The following TPD52 variants were observed in gnomAD, a reference collection of about 807,000 sequenced individuals.
The protein encoded by TPD52 is prostate and colon associated protein.
TPD52 carries 17 observed loss-of-function variants against 31.3 expected under a neutral mutation model. The observed-to-expected ratio is 0.54, with a 90% CI of 0.37 to 0.82. TPD52 has a LOEUF of 0.82. TPD52 is among the 40% of genes least tolerant of loss of function. TPD52 has a pLI of 0.00. For synonymous variants in TPD52, 83 were observed against 89.6 expected, an observed-to-expected ratio of 0.93 and a Z score of 0.42; for missense variants, 212 against 240.1, an observed-to-expected ratio of 0.88 and a Z score of 0.77.
chr8:80,071,060 C>A (rs541719902), intron 1 of TPD52, among the ~76,000 whole-genome samples: 1 of 152,244 alleles, frequency 6.6e-6, no homozygotes, highest in East Asian at 1.9e-4. Flanking sequence ...CACTACAGAA[C>A]AAGGAACACC....
intron 2 of TPD52, among the ~76,000 whole-genome samples, chr8:80,056,963 G>A (rs1473943312): frequency 6.6e-6 from 1 of 152,166 alleles, no homozygotes; most frequent in African/African-American, 2.4e-5. Flanking sequence ...GAGGTCAGGG[G>A]TTTGAGACCA....
intron 5 of TPD52, among the ~76,000 whole-genome samples, chr8:80,049,696 C>G (rs1256409207): frequency 6.6e-6 from 1 of 152,180 alleles, no homozygotes; most frequent in Non-Finnish European, 1.5e-5. Context: ...ATCAGATAAT[C>G]AAAGAGTCTG....
At chr8:80,095,122 G>A (rs187019948) in intron 1 of TPD52, among the ~76,000 whole-genome samples, 151 of 152,246 alleles carry the variant, frequency 9.9e-4, no homozygotes, top group African/African-American at 3.3e-3. Flanking sequence ...AAACCACCAA[G>A]ATGTCATTCA....
chr8:80,047,933 A>G (rs1811025952), intron 5 of TPD52, among the ~76,000 whole-genome samples: 1 of 152,244 alleles, frequency 6.6e-6, no homozygotes, highest in African/African-American at 2.4e-5. Context: ...TCTACTGAAT[A>G]TTATAGTATG....
At chr8:80,124,222 C>G (rs1808451922) in intron 1 of TPD52, among the ~76,000 whole-genome samples, 1 of 151,520 alleles carries the variant, frequency 6.6e-6, no homozygotes, top group Non-Finnish European at 1.5e-5. Context: ...CTAGAGTGCA[C>G]TGGCACAATC....
rs1809887845 is a variant in TPD52, at chr8:80,036,140, C to G, written c.*1976G>C. 1 of 152,160 alleles carries G rather than the reference C, an allele frequency of 6.6e-6. No homozygotes were observed. Among genetic ancestry groups the G allele is most frequent in the South Asian group, 2.1e-4 (1 of 4,830 alleles). The allele number at this position is 152,160 out of a possible 1,614,324, so 9.4% of individuals were successfully genotyped here. Reference sequence around the variant, plus strand: ...TACCCACCTTCATCCACTCACCCCACTTGCCACCCCCATTTCTATCACTTT... The same window carrying G: ...TACCCACCTTCATCCACTCACCCCAGTTGCCACCCCCATTTCTATCACTTT... On this transcript the variant is annotated 3_prime_UTR_variant, in exon 8 of 8. Coordinates refer to ENST00000518937, the MANE Select transcript of TPD52 (RefSeq NM_001025253.3).
chr8:80,129,400 A>C (rs1808857291), intron 1 of TPD52, among the ~76,000 whole-genome samples: 1 of 152,200 alleles, frequency 6.6e-6, no homozygotes, highest in Non-Finnish European at 1.5e-5. Context: ...TTACATTTAA[A>C]ATTCCCATAC....
intron 1 of TPD52, among the ~76,000 whole-genome samples, chr8:80,104,232 C>A (rs1806941369): frequency 6.6e-6 from 1 of 152,200 alleles, no homozygotes; most frequent in African/African-American, 2.4e-5. Context: ...CCAAGTTATT[C>A]TTTGGTCTCC....
chr8:80,087,389 G>A (rs1441577443), intron 1 of TPD52, among the ~76,000 whole-genome samples: 1 of 152,208 alleles, frequency 6.6e-6, no homozygotes, highest in Non-Finnish European at 1.5e-5. Context: ...CAGGGACATG[G>A]ATGGAGCTGG....
At chr8:80,074,764 T>C (rs1370573295) in intron 1 of TPD52, among the ~76,000 whole-genome samples, 2 of 152,200 alleles carry the variant, frequency 1.3e-5, no homozygotes, top group African/African-American at 4.8e-5. Flanking sequence ...AAGAGAGGGA[T>C]GCAGCAGCTC....
intron 1 of TPD52, among the ~76,000 whole-genome samples, chr8:80,087,111 C>T (rs1815865865): frequency 6.6e-6 from 1 of 152,056 alleles, no homozygotes; most frequent in South Asian, 2.1e-4. Flanking sequence ...TTAACAGTGA[C>T]CCTGAGTAGA....
Position 80,092,478 on chromosome 8 carries a change from C to T in TPD52, c.20-27885G>A, listed in dbSNP as rs193126597. Among the ~76,000 whole-genome samples, 306 of 152,174 alleles carry T rather than the reference C, an allele frequency of 2.0e-3. 3 individuals carry two copies. The highest frequency in any genetic ancestry group is 6.7e-4 in the African/African-American group (28 of 41,524). On this transcript the variant is annotated intron_variant, in intron 1 of 7. Coordinates refer to ENST00000518937, the MANE Select transcript of TPD52 (RefSeq NM_001025253.3). ...GATGTCAAGGATATTTGCACGTGCG[C>T]GTTTATTGAAGCACTATTCACAATA...
At chr8:80,038,803 T>C (rs1406948720) in intron 7 of TPD52, among the ~76,000 whole-genome samples, 1 of 152,198 alleles carries the variant, frequency 6.6e-6, no homozygotes, top group African/African-American at 2.4e-5. Flanking sequence ...AGCTACAGAA[T>C]TGAAATCAAC....
chr8:80,166,309 T>G (rs1207872122), intron 1 of TPD52, among the ~76,000 whole-genome samples: 1 of 151,462 alleles, frequency 6.6e-6, no homozygotes, highest in Non-Finnish European at 1.5e-5. Context: ...AGAGACTCAC[T>G]GCAACCTCCG....
intron 1 of TPD52, among the ~76,000 whole-genome samples, chr8:80,067,550 G>A (rs1298525601): frequency 6.6e-6 from 1 of 152,002 alleles, no homozygotes; most frequent in Non-Finnish European, 1.5e-5. Flanking sequence ...TCTGTGAGGT[G>A]GGGATCCCTG....
intron 1 of TPD52, among the ~76,000 whole-genome samples, chr8:80,163,516 T>C (rs1011802516): frequency 2.3e-4 from 35 of 152,310 alleles, no homozygotes; most frequent in African/African-American, 8.2e-4. Context: ...AGTTTTCATT[T>C]TGAAAAATGA....
intron 1 of TPD52, chr8:80,064,915 T>C (rs924182563): frequency 1.2e-5 from 6 of 495,086 alleles, no homozygotes; most frequent in African/African-American, 1.2e-4. Flanking sequence ...GACTTTAAAT[T>C]GCTGCAAAAG....
At chr8:80,112,326 G>C (rs1447683973) in intron 1 of TPD52, among the ~76,000 whole-genome samples, 1 of 152,158 alleles carries the variant, frequency 6.6e-6, no homozygotes, top group African/African-American at 2.4e-5. Flanking sequence ...CACAGAAAAG[G>C]TAAGTAAGTA....
intron 1 of TPD52, among the ~76,000 whole-genome samples, chr8:80,079,114 G>C (rs764757264): frequency 1.3e-5 from 2 of 152,072 alleles, no homozygotes; most frequent in Non-Finnish European, 2.9e-5. Context: ...TCCCCATTCT[G>C]TGTGGCCCCT....
Sources: allele counts gnomAD v4.1 joint callset (sites outside exome capture counted in the v4.1 genomes callset), GRCh38; gene constraint gnomAD v4.1.1; transcripts MANE v1.5; gene names NCBI Gene and HGNC (gene_info 2026-07-23, HGNC 2026-07-21).